Variants in ADGRL3 observed in about 807,000 individuals in gnomAD.
ADGRL3 encodes calcium-independent alpha-latrotoxin receptor 3.
A neutral mutation model predicts 153.5 loss-of-function variants in ADGRL3; 62 were observed. The observed-to-expected ratio is 0.40, with a 90% confidence interval of 0.33 to 0.50. ADGRL3 has a LOEUF of 0.50. Ranked by LOEUF, ADGRL3 falls within the 20% of genes least tolerant of loss-of-function variation. The pLI is 0.47. For synonymous variants in ADGRL3, 710 were observed against 672.5 expected (o/e 1.06, Z -0.86); for missense variants, 1,641 against 1,859.4 (o/e 0.88, Z 2.16).
chr4:61,597,250 A>G (rs1386644471), intron 5 of ADGRL3, among the ~76,000 whole-genome samples: 1 of 152,178 alleles, frequency 6.6e-6, no homozygotes, highest in Non-Finnish European at 1.5e-5. Flanking sequence ...GGAATGCTGT[A>G]ATATAAAAAG....
At chr4:61,553,665 T>G (rs561886734) in intron 4 of ADGRL3, among the ~76,000 whole-genome samples, 2 of 152,294 alleles carry the variant, frequency 1.3e-5, no homozygotes, top group South Asian at 2.1e-4. Context: ...AAAAGGAAAC[T>G]TCAATAATTT....
At chr4:61,480,493 A>T (rs1386415378) in intron 2 of ADGRL3, among the ~76,000 whole-genome samples, 1 of 152,216 alleles carries the variant, frequency 6.6e-6, no homozygotes, top group African/African-American at 2.4e-5. Context: ...ATAACAGTTT[A>T]AAAATGAGCA....
intron 4 of ADGRL3, among the ~76,000 whole-genome samples, chr4:61,584,351 C>A (rs2098937886): frequency 6.6e-6 from 1 of 151,942 alleles, no homozygotes; most frequent in Non-Finnish European, 1.5e-5. Flanking sequence ...ACTTTTGAAT[C>A]ATTCTTACAA....
intron 25 of ADGRL3, chr4:62,063,373 A>C (rs190388051): frequency 2.2e-6 from 1 of 461,702 alleles, no homozygotes; most frequent in African/African-American, 2.0e-5. Flanking sequence ...TTTTTAGTCT[A>C]GTTAGCTGCC....
chr4:61,858,493 T>A (rs1457165945), intron 9 of ADGRL3, among the ~76,000 whole-genome samples: 1 of 152,068 alleles, frequency 6.6e-6, no homozygotes, highest in Non-Finnish European at 1.5e-5. Flanking sequence ...TAGTGGCGCG[T>A]GCATGCAATC....
chr4:61,736,308 T>TAA (rs1207804288), intron 8 of ADGRL3, among the ~76,000 whole-genome samples: 3 of 152,130 alleles, frequency 2.0e-5, no homozygotes, highest in African/African-American at 7.2e-5. Context: ...TTATGGGAGT[T>TAA]AAAACATGGT....
At chr4:61,272,199 GTGCTTCTACAGAGTTTACAAAAAA>G (rs2093223620) in intron 1 of ADGRL3, among the ~76,000 whole-genome samples, 1 of 151,828 alleles carries the variant, frequency 6.6e-6, no homozygotes, top group African/African-American at 2.4e-5. Flanking sequence ...GTGCTCTGTA[GTGCTTCTACAGAGTTTACAAAAAA>G]TGGTTTCATG....
Position 62,031,487 on chromosome 4 carries a change from G to C in ADGRL3, c.3468G>C (p.Leu1156Phe). The C allele has an allele frequency of 6.2e-7, 1 of 1,610,814 alleles. No individual in the cohort carries two copies. The highest frequency in any genetic ancestry group is 8.5e-7 in the Non-Finnish European group (1 of 1,177,776). The change falls in exon 23 of 27, where the codon TTG becomes TTC. Residue 1156 changes from leucine to phenylalanine, a missense_variant. This residue lies in a region of ADGRL3 where 517 missense variants were observed against 555.0 expected (regional missense o/e 0.93). Coordinates refer to ENST00000683033, the MANE Select transcript of ADGRL3 (RefSeq NM_001387552.1). ...TAGCTCTTCTCTGCCTATTAGGATTGACCTGGGCCTTTGGACTCATGTATA... is the reference window on the plus strand; with the variant it reads ...TAGCTCTTCTCTGCCTATTAGGATTCACCTGGGCCTTTGGACTCATGTATA... ...GAIALLCLLG[L>F]TWAFGLMYIN...
chr4:61,390,641 C>T (rs930870321), intron 2 of ADGRL3, among the ~76,000 whole-genome samples: 3 of 152,156 alleles, frequency 2.0e-5, no homozygotes, highest in African/African-American at 7.2e-5. Flanking sequence ...TACACCCATG[C>T]AACCACAACT....
intron 2 of ADGRL3, among the ~76,000 whole-genome samples, chr4:61,482,048 G>T (rs890669686): frequency 1.3e-5 from 2 of 152,084 alleles, no homozygotes; most frequent in Non-Finnish European, 2.9e-5. Flanking sequence ...TAATTTGGAG[G>T]TTATCGGTCA....
At chr4:61,307,822 A>T (rs2094848786) in intron 1 of ADGRL3, among the ~76,000 whole-genome samples, 1 of 152,170 alleles carries the variant, frequency 6.6e-6, no homozygotes, top group African/African-American at 2.4e-5. Flanking sequence ...TAGCAATTTG[A>T]GTTTTTGTCC....
chr4:61,340,266 A>G (rs1016670583), intron 1 of ADGRL3, among the ~76,000 whole-genome samples: 4 of 152,128 alleles, frequency 2.6e-5, no homozygotes, highest in African/African-American at 9.7e-5. Flanking sequence ...TATTATCCTC[A>G]TTTTAAAGCC....
intron 25 of ADGRL3, among the ~76,000 whole-genome samples, chr4:62,047,538 A>G (rs1731769559): frequency 1.3e-5 from 2 of 152,008 alleles, no homozygotes; most frequent in South Asian, 4.1e-4. Context: ...ACCTTTCTAG[A>G]TTTCCCAATG....
chr4:61,878,779 G>A (rs546334933), intron 9 of ADGRL3, among the ~76,000 whole-genome samples: 68 of 152,222 alleles, frequency 4.5e-4, no homozygotes, highest in African/African-American at 1.4e-3. Context: ...TGGTGCTTTT[G>A]GGGTAAAATT....
At chr4:61,721,559 A>C (rs1008798322) in intron 6 of ADGRL3, among the ~76,000 whole-genome samples, 1 of 152,220 alleles carries the variant, frequency 6.6e-6, no homozygotes, top group African/African-American at 2.4e-5. Flanking sequence ...TGCATCTCCC[A>C]GTCCACTGAC....
chr4:61,282,191 G>C (rs2093747475), intron 1 of ADGRL3, among the ~76,000 whole-genome samples: 1 of 151,986 alleles, frequency 6.6e-6, no homozygotes, highest in African/African-American at 2.4e-5. Flanking sequence ...CAAGTTCTAA[G>C]GAGGCTTCAT....
Position 61,312,137 on chromosome 4 carries a change from G to T in ADGRL3, c.-239-70987G>T, listed in dbSNP as rs551702877. Among the ~76,000 whole-genome samples, 6 of 152,224 alleles carry T rather than the reference G, an allele frequency of 3.9e-5. No individual in the cohort carries two copies. In the East Asian group the frequency reaches 1.2e-3, roughly 29 times the overall value. On this transcript the variant is annotated intron_variant, in intron 1 of 26. Coordinates refer to ENST00000683033, the MANE Select transcript of ADGRL3 (RefSeq NM_001387552.1). ...CCACAAATATAGTCAACTGATCATT[G>T]ACAAAAGTGCAAAGGCAATTTAATA...
chr4:61,532,537 C>CGT (rs755297007), intron 4 of ADGRL3, among the ~76,000 whole-genome samples: 1 of 90,322 alleles, frequency 1.1e-5, no homozygotes, highest in Non-Finnish European at 2.2e-5. Context: ...TGCATGCGCG[C>CGT]GCGCGCGCGC....
chr4:61,289,911 C>G (rs2094107838), intron 1 of ADGRL3, among the ~76,000 whole-genome samples: 1 of 152,070 alleles, frequency 6.6e-6, no homozygotes, highest in African/African-American at 2.4e-5. Flanking sequence ...AACAAAATTA[C>G]CCATGTAAAT....
Sources: gnomAD v4.1 joint callset for allele counts (sites outside exome capture counted in the v4.1 genomes callset) on GRCh38, gnomAD v4.1.1 for gene constraint, gnomAD v4.1.1 regional missense constraint, MANE v1.5 for transcripts, NCBI Gene and HGNC (gene_info 2026-07-23, HGNC 2026-07-21) for gene names.